Variants in MIA2 observed in about 807,000 individuals in gnomAD.
MIA2 encodes melanoma inhibitory activity protein 2.
In MIA2, 127 loss-of-function variants were observed where a neutral mutation model predicts 167.8. That is an observed-to-expected ratio of 0.76 (90% CI 0.66 to 0.88). The LOEUF is 0.88. Among genes scored for constraint, MIA2 ranks in the 40% least tolerant of loss-of-function variants. The probability of loss-of-function intolerance (pLI) is 0.00; values close to 1 mark genes in which losing one functional copy is unlikely to be tolerated. For missense variants in MIA2, 1,690 were observed against 1,624.7 expected (o/e 1.04, Z -0.69); for synonymous variants, 552 against 541.9 (o/e 1.02, Z -0.26).
At chr14:39,322,242 C>T (rs913552295) in intron 24 of MIA2, among the ~76,000 whole-genome samples, 1 of 151,992 alleles carries the variant, frequency 6.6e-6, no homozygotes, top group Non-Finnish European at 1.5e-5. Flanking sequence ...TGGTCTGCAT[C>T]ATTTGTTAAC....
rs539446066 is a variant in MIA2, at chr14:39,314,806, A to ATGTGTGTGTGTG, written c.3180+8_3180+9insGTGTGTGTGTGT. 885 of 1,386,448 alleles carry ATGTGTGTGTGTG rather than the reference A, an allele frequency of 6.4e-4. 122 individuals are homozygous for ATGTGTGTGTGTG. The highest frequency in any genetic ancestry group is 1.4e-3 in the Admixed American group (69 of 48,042). The allele number at this position is 1,386,448 out of a possible 1,614,324, so 85.9% of individuals were successfully genotyped here. Reference sequence around the variant, plus strand: ...TCATTCTTATCAAGGGCAGGTATATATATATGTGTGTGTGTGTGTGTGTGT... The same window carrying ATGTGTGTGTGTG: ...TCATTCTTATCAAGGGCAGGTATATATGTGTGTGTGTGTATATGTGTGTGTGTGTGTGTGTGT... On this transcript the variant is annotated splice_region_variant and intron_variant, in intron 20 of 28. Transcript: ENST00000640607.
chr14:39,373,831 A>G (rs993222990), intron 23 of MIA2, among the ~76,000 whole-genome samples: 4 of 152,116 alleles, frequency 2.6e-5, no homozygotes, highest in African/African-American at 9.7e-5. Flanking sequence ...AAAATAAAAA[A>G]TAAAAAATAA....
At position 39,319,281 on chromosome 14, in the gene MIA2, A is replaced by G; in HGVS notation, c.3357A>G (p.Ala1119=). ...DPYALDVPNT[A]FGREHSPYGP... ...ATGCACTCGATGTTCCAAATACAGC[A>G]TTTGGCAGAGGTAGTCTTTTTTTTT... Residue 1119 remains alanine, a synonymous_variant, in exon 23 of 29, where the codon GCA becomes GCG. Coordinates refer to ENST00000640607, the MANE Select transcript of MIA2 (RefSeq NM_001329214.4). 1 of 1,533,046 alleles carries G rather than the reference A, an allele frequency of 6.5e-7. No individual in the cohort carries two copies. Among genetic ancestry groups the G allele is most frequent in the East Asian group, 2.3e-5 (1 of 43,962 alleles). The allele number at this position is 1,533,046 out of a possible 1,614,324, so 95.0% of individuals were successfully genotyped here.
At position 39,253,106 on chromosome 14, in the gene MIA2, T is replaced by C. The variant is rs374834378; in HGVS notation, c.1822T>C (p.Phe608Leu). Residue 608 changes from phenylalanine (F) to leucine (L), a missense_variant, in exon 6 of 29, where the codon TTC becomes CTC. By Grantham distance (22) the Phe-to-Leu change is conservative (BLOSUM62 0). Coordinates refer to ENST00000640607, the MANE Select transcript of MIA2 (RefSeq NM_001329214.4). ...ASEFQILKYL[F>L]QIDVYDFMNS... is the part of the protein sequence containing the mutation. ...TGAGTTTCAGATTCTGAAATACTTATTCCAAATTGATGTTTATGATTTCAT... is the reference window on the plus strand; with the variant it reads ...TGAGTTTCAGATTCTGAAATACTTACTCCAAATTGATGTTTATGATTTCAT... The C allele has an allele frequency of 1.7e-5, 28 of 1,603,276 alleles. No homozygotes were observed. In the African/African-American group the frequency reaches 2.8e-4, roughly 16 times the overall value.
In MIA2 at chr14:39,313,375, AAGAAG is replaced by A. The variant is rs1170740880; in HGVS notation, c.3058_3062del (p.Glu1020ThrfsTer3). On this transcript the variant is annotated frameshift_variant, in exon 19 of 29. Transcript: ENST00000640607. LOFTEE classifies it high-confidence loss of function. ...GTAGAGGAAAATTATCGGTTAGAGA[AAGAAG>A]AGAAACTTTCTAAAGTAGATGAAAA... The A allele has an allele frequency of 1.2e-6, 2 of 1,603,086 alleles. No individual in the cohort carries two copies. Among genetic ancestry groups the A allele is most frequent in the Non-Finnish European group, 1.7e-6 (2 of 1,174,642 alleles).
Position 39,347,782 on chromosome 14 carries a change from A to G in MIA2, c.3837+11A>G, listed in dbSNP as rs756428420. The G allele has an allele frequency of 6.3e-7, 1 of 1,592,770 alleles. No homozygotes were observed. Among genetic ancestry groups the G allele is most frequent in the Admixed American group, 1.7e-5 (1 of 59,722 alleles). On this transcript the variant is annotated intron_variant, in intron 27 of 28. Transcript: ENST00000640607. ...AAAGATGATCTTGGTGTAAGTATTG[A>G]AAGAGTGGAATTGTATGCATGTATT...
chr14:39,285,662 T>A lies in MIA2; in HGVS notation c.2131-5357T>A, dbSNP rs189965898. On this transcript the variant is annotated intron_variant, in intron 9 of 28. Transcript: ENST00000640607. ...ATGGGGTGGCTGGCCGGGCTGGGGCTGACCCCCCACCTCCCTCCCGGTCGG... is the reference window on the plus strand; with the variant it reads ...ATGGGGTGGCTGGCCGGGCTGGGGCAGACCCCCCACCTCCCTCCCGGTCGG... 4.8e-3 allele frequency among the ~76,000 whole-genome samples: 17 copies of A among 3,578 alleles called. 1 individual carries two copies. The highest frequency in any genetic ancestry group is 0.045 in the East Asian group (1 of 22). 2.3% of individuals were successfully genotyped at this position (3,578 alleles called of 152,430 possible). A position where few individuals can be genotyped will look rare whatever the true frequency, so the allele number is the denominator to read the frequency against.
chr14:39,321,086 A>C (rs1316512800), intron 24 of MIA2, 30 bp downstream of exon 24: 2 of 1,582,268 alleles, frequency 1.3e-6, no homozygotes, highest in Non-Finnish European at 1.7e-6. Flanking sequence ...TTATTACTCT[A>C]GATTTCTTCC....
rs1203166053 is a variant in MIA2 at position 39,247,691 on chromosome 14, C to T, written c.1117C>T (p.Leu373Phe). ...KDTITNDSLSLKPSWFDFGFA... is the reference protein window; with the variant it reads ...KDTITNDSLSFKPSWFDFGFA... Reference sequence around the variant, plus strand: ...CACAATCACTAATGATAGCTTGAGTCTCAAGCCAAGTTGGTTTGATTTTGG... The same window carrying T: ...CACAATCACTAATGATAGCTTGAGTTTCAAGCCAAGTTGGTTTGATTTTGG... The change falls in exon 4 of 29, where the codon CTC becomes TTC. Residue 373 changes from leucine (L) to phenylalanine (F), a missense_variant. Leu to Phe is a conservative substitution (Grantham distance 22). Transcript: ENST00000640607. The T allele has an allele frequency of 2.5e-6, 4 of 1,611,752 alleles. No homozygotes were observed. In the South Asian group the frequency reaches 4.4e-5, roughly 18 times the overall value.
intron 13 of MIA2, among the ~76,000 whole-genome samples, chr14:39,297,500 C>G (rs377057584): frequency 4.6e-5 from 7 of 152,138 alleles, no homozygotes; most frequent in African/African-American, 1.7e-4. Flanking sequence ...AGCCTGTTTG[C>G]CAACAGTCTT....
In MIA2 at chr14:39,248,044, T is replaced by C; in HGVS notation, c.1470T>C (p.Asn490=). ...PFPKQILDQN[N]VIENEETGEF... ...CCAAACAGATACTGGATCAAAATAA[T>C]GTAATTGAAAATGAAGAAACTGGAG... Residue 490 remains asparagine, a synonymous_variant, in exon 4 of 29, where the codon AAT becomes AAC. Coordinates refer to ENST00000640607, the MANE Select transcript of MIA2 (RefSeq NM_001329214.4). 3 of 1,568,396 alleles carry C rather than the reference T, an allele frequency of 1.9e-6. No homozygotes were observed. In the South Asian group the frequency reaches 3.7e-5, roughly 19 times the overall value.
At chr14:39,317,497 T>G (rs2065692495) in intron 21 of MIA2, among the ~76,000 whole-genome samples, 2 of 152,136 alleles carry the variant, frequency 1.3e-5, no homozygotes, top group South Asian at 2.1e-4. Context: ...GCTCTGAACG[T>G]TTGACCCCAG....
At chr14:39,355,461 A>G (rs62000709), downstream of MIA2, among the ~76,000 whole-genome samples, 10,926 of 152,156 alleles carry the variant, frequency 0.072, 485 homozygotes, top group South Asian at 0.17. Flanking sequence ...GGCTGAGACA[A>G]TGGGGTTTTC....
intron 23 of MIA2, among the ~76,000 whole-genome samples, chr14:39,378,263 G>A (rs1027679857): frequency 2.6e-5 from 4 of 152,168 alleles, no homozygotes; most frequent in African/African-American, 9.7e-5. Context: ...ATCAGCAAAT[G>A]TGTTAAACAA....
Position 39,304,313 on chromosome 14 carries a change from T to C in MIA2, c.2810T>C (p.Leu937Ser), listed in dbSNP as rs767505271. ...AAKLNASLKT[L>S]EGERNQIYIQ... Reference sequence around the variant, plus strand: ...AAGTTAAATGCTTCTTTAAAAACCTTAGAAGGAGAAAGAAACCAAATTTAT... The same window carrying C: ...AAGTTAAATGCTTCTTTAAAAACCTCAGAAGGAGAAAGAAACCAAATTTAT... Residue 937 changes from leucine to serine, a missense_variant, in exon 17 of 29, where the codon TTA (leucine) becomes TCA (serine). By Grantham distance (145) the Leu-to-Ser change is moderately radical. Coordinates refer to ENST00000640607, the MANE Select transcript of MIA2 (RefSeq NM_001329214.4). The C allele has an allele frequency of 6.5e-7, 1 of 1,541,446 alleles. No homozygotes were observed. Among genetic ancestry groups the C allele is most frequent in the South Asian group, 1.2e-5 (1 of 82,200 alleles).
intron 23 of MIA2, among the ~76,000 whole-genome samples, chr14:39,376,843 T>C (rs1194531237): frequency 6.6e-6 from 1 of 152,222 alleles, no homozygotes; most frequent in Non-Finnish European, 1.5e-5. Context: ...TAGTGAATTA[T>C]GTATTCGTCT....
intron 9 of MIA2, among the ~76,000 whole-genome samples, chr14:39,280,345 T>C (rs1183966086): frequency 6.6e-6 from 1 of 152,188 alleles, no homozygotes; most frequent in Non-Finnish European, 1.5e-5. Flanking sequence ...TACAAGTTTT[T>C]TTTTTGTGGG....
In MIA2 at chr14:39,247,493, A is replaced by G. The variant is rs146799201; in HGVS notation, c.919A>G (p.Thr307Ala). 4 of 1,613,842 alleles carry G rather than the reference A, an allele frequency of 2.5e-6. No homozygotes were observed. In the South Asian group the frequency reaches 4.4e-5, roughly 18 times the overall value. Residue 307 changes from threonine to alanine, a missense_variant, in exon 4 of 29, where the codon ACT becomes GCT. Physicochemically the swap from Thr to Ala is moderately conservative, Grantham distance 58 (BLOSUM62 0). Coordinates refer to ENST00000640607, the MANE Select transcript of MIA2 (RefSeq NM_001329214.4). ...AGAGCACATTCCCAAACCTCAATCC[A>G]CTGGTTGGTTTGGTGGAGGATTTAC... ...ESEHIPKPQS[T>A]GWFGGGFTSY... is the part of the protein sequence containing the mutation.
At chr14:39,299,241 G>A (rs1172088031) in intron 13 of MIA2, among the ~76,000 whole-genome samples, 1 of 147,712 alleles carries the variant, frequency 6.8e-6, no homozygotes, top group African/African-American at 2.5e-5. Context: ...TTCCTTTCCT[G>A]TAAAAGTATA....
Sources: gnomAD v4.1 joint callset for allele counts (sites outside exome capture counted in the v4.1 genomes callset) on GRCh38, gnomAD v4.1.1 for gene constraint, MANE v1.5 for transcripts, NCBI Gene and HGNC (gene_info 2026-07-23, HGNC 2026-07-21) for gene names.